SSBP3: variants seen among roughly 807,000 people sequenced by gnomAD.
SSBP3 encodes single-stranded DNA-binding protein 3.
A neutral mutation model predicts 69.6 loss-of-function variants in SSBP3; 5 were observed. The ratio of observed to expected loss-of-function variants is 0.07; its 90% confidence interval spans 0.04 to 0.15. The LOEUF (loss-of-function observed/expected upper bound fraction) is 0.15, where lower values mean the gene tolerates loss of function less well. SSBP3 is among the 10% of genes least tolerant of loss of function. The probability of loss-of-function intolerance (pLI) is 1.00; values close to 1 mark genes in which losing one functional copy is unlikely to be tolerated. For synonymous variants in SSBP3, 196 were observed against 193.4 expected (o/e 1.01, Z -0.11); for missense variants, 312 against 534.0 (o/e 0.58, Z 4.10).
At chr1:54,253,720 G>C (rs2100724717) in intron 7 of SSBP3, among the ~76,000 whole-genome samples, 1 of 152,340 alleles carries the variant, frequency 6.6e-6, no homozygotes, top group South Asian at 2.1e-4. Context: ...CTCTAAGGCT[G>C]TCTGGACTGG....
At chr1:54,382,581 T>C (rs1394268087) in intron 4 of SSBP3, among the ~76,000 whole-genome samples, 1 of 152,202 alleles carries the variant, frequency 6.6e-6, no homozygotes, top group East Asian at 1.9e-4. Flanking sequence ...GATTTTTGGA[T>C]AAAATATCTT....
At chr1:54,233,157 T>C (rs1334511673) in intron 14 of SSBP3, among the ~76,000 whole-genome samples, 1 of 129,680 alleles carries the variant, frequency 7.7e-6, no homozygotes, top group East Asian at 2.6e-4. Flanking sequence ...CCGGCCGCCA[T>C]CACATCTAGG....
At chr1:54,298,194 G>C (rs1056348542) in intron 4 of SSBP3, among the ~76,000 whole-genome samples, 1 of 152,140 alleles carries the variant, frequency 6.6e-6, no homozygotes, top group African/African-American at 2.4e-5. Flanking sequence ...CAAGCAGACC[G>C]AGGCTCTGAA....
chr1:54,396,962 G>A (rs1339053302), intron 4 of SSBP3, among the ~76,000 whole-genome samples: 1 of 152,234 alleles, frequency 6.6e-6, no homozygotes, highest in African/African-American at 2.4e-5. Context: ...ACCGATGGAG[G>A]AGTCTGGCAG....
At chr1:54,381,754 A>G (rs575284716) in intron 4 of SSBP3, among the ~76,000 whole-genome samples, 2 of 152,370 alleles carry the variant, frequency 1.3e-5, no homozygotes, top group South Asian at 4.1e-4. Context: ...AAAATGACAG[A>G]GCTGGCCAGC....
At chr1:54,321,077 A>G (rs1646203747) in intron 4 of SSBP3, among the ~76,000 whole-genome samples, 1 of 152,200 alleles carries the variant, frequency 6.6e-6, no homozygotes, top group Admixed American at 6.5e-5. Flanking sequence ...GGAACATGGT[A>G]TAGCCAAGAA....
intron 4 of SSBP3, among the ~76,000 whole-genome samples, chr1:54,345,728 A>G (rs1280625459): frequency 6.6e-6 from 1 of 152,144 alleles, no homozygotes; most frequent in Non-Finnish European, 1.5e-5. Flanking sequence ...AGATTACTGT[A>G]CTGAGGCTGG....
intron 4 of SSBP3, among the ~76,000 whole-genome samples, chr1:54,368,376 A>AAGAAAAAC (rs1005416702): frequency 3.3e-5 from 5 of 151,852 alleles, no homozygotes; most frequent in African/African-American, 1.2e-4. Context: ...GTGCTTAATG[A>AAGAAAAAC]AGAAAAACAG....
intron 4 of SSBP3, among the ~76,000 whole-genome samples, chr1:54,342,762 T>C (rs3901222): frequency 0.77 from 117,471 of 152,090 alleles, 46,627 homozygotes; most frequent in East Asian, 0.99. Context: ...GTAAAAATTA[T>C]GTGAGGTCAT....
At chr1:54,386,819 C>T (rs765513323) in intron 4 of SSBP3, among the ~76,000 whole-genome samples, 15 of 150,718 alleles carry the variant, frequency 1.0e-4, no homozygotes, top group Middle Eastern at 3.2e-3. Flanking sequence ...GGACTATAGG[C>T]GCACACCACC....
rs934348608 is a variant in SSBP3 at position 54,233,080 on chromosome 1, A to G, written c.928-4254T>C. Reference sequence around the variant, plus strand: ...GAGGAGCCCCTCTGCCTGGCTGCCCACTCTGGAAAGTGAGGAGCGTCTCCG... The same window carrying G: ...GAGGAGCCCCTCTGCCTGGCTGCCCGCTCTGGAAAGTGAGGAGCGTCTCCG... On this transcript the variant is annotated intron_variant, in intron 14 of 17. Transcript: ENST00000610401. Among the ~76,000 whole-genome samples the G allele has an allele frequency of 6.2e-5, 8 of 128,158 alleles. No homozygotes were observed. In the Admixed American group the frequency reaches 6.3e-4, roughly 10 times the overall value. 84.1% of individuals were successfully genotyped at this position (128,158 alleles called of 152,430 possible).
intron 4 of SSBP3, among the ~76,000 whole-genome samples, chr1:54,381,980 A>G (rs1647690337): frequency 1.3e-5 from 2 of 152,166 alleles, no homozygotes; most frequent in East Asian, 3.9e-4. Flanking sequence ...GATCATCTGA[A>G]GTCAGGAGTT....
At chr1:54,310,317 A>C (rs920690668) in intron 4 of SSBP3, among the ~76,000 whole-genome samples, 1 of 151,922 alleles carries the variant, frequency 6.6e-6, no homozygotes, top group Non-Finnish European at 1.5e-5. Flanking sequence ...AGCATTTTTC[A>C]CAGGAGGAGA....
chr1:54,346,818 GA>G (rs113297349), intron 4 of SSBP3, among the ~76,000 whole-genome samples: 1,597 of 133,356 alleles, frequency 0.012, 29 homozygotes, highest in African/African-American at 0.034. Context: ...CCATCTCAAG[GA>G]AAAAAAAAAA....
Position 54,316,411 on chromosome 1 carries a change from G to A in SSBP3, c.277-34884C>T, listed in dbSNP as rs568242620. On this transcript the variant is annotated intron_variant, in intron 4 of 17. Coordinates refer to ENST00000610401, the Ensembl canonical transcript of SSBP3. Reference sequence around the variant, plus strand: ...TCCCAGCACTTTGGGAGGCCGAGGCGGGTGGATCATGAGGTCAGGAGATCG... The same window carrying A: ...TCCCAGCACTTTGGGAGGCCGAGGCAGGTGGATCATGAGGTCAGGAGATCG... Among the ~76,000 whole-genome samples the A allele has an allele frequency of 1.3e-4, 19 of 147,624 alleles. No individual in the cohort carries two copies. The South Asian group carries it at 3.6e-3, about 28-fold the overall frequency.
intron 4 of SSBP3, among the ~76,000 whole-genome samples, chr1:54,370,888 T>C (rs974949034): frequency 1.3e-5 from 2 of 151,950 alleles, no homozygotes; most frequent in Non-Finnish European, 2.9e-5. Flanking sequence ...TCCCCCGTCA[T>C]ACAAGATCAA....
upstream of SSBP3, among the ~76,000 whole-genome samples, chr1:54,407,016 G>A (rs1191191297): frequency 6.6e-6 from 1 of 152,082 alleles, no homozygotes; most frequent in Non-Finnish European, 1.5e-5. Context: ...GCCGGGCCCG[G>A]GGCTCCACGC....
chr1:54,369,347 G>C (rs1054544234), intron 4 of SSBP3, among the ~76,000 whole-genome samples: 2 of 152,018 alleles, frequency 1.3e-5, no homozygotes, highest in Admixed American at 6.6e-5. Flanking sequence ...GCCTATGCAG[G>C]AAGGCAGGGA....
Position 54,258,189 on chromosome 1 carries a change from C to A in SSBP3, c.367-40G>T. ...AGTAGAGGCAGGTTATAGATCACAG[C>A]ACATGGAGAAGCGCAGAAGCAGCTT... On this transcript the variant is annotated intron_variant, in intron 5 of 17. Coordinates refer to ENST00000610401, the Ensembl canonical transcript of SSBP3. This position sits in a 1 kb window ranked among gnomAD's most constrained non-coding sequence, Gnocchi z 4.5. 1 of 1,470,680 alleles carries A rather than the reference C, an allele frequency of 6.8e-7. No individual in the cohort carries two copies. Among genetic ancestry groups the A allele is most frequent in the South Asian group, 1.3e-5 (1 of 74,320 alleles). The allele number at this position is 1,470,680 out of a possible 1,614,324, so 91.1% of individuals were successfully genotyped here.
Sources: allele counts gnomAD v4.1 joint callset (sites outside exome capture counted in the v4.1 genomes callset), GRCh38; gene constraint gnomAD v4.1.1; non-coding constraint Gnocchi (gnomAD v3.1); transcripts MANE v1.5; gene names NCBI Gene and HGNC (gene_info 2026-07-23, HGNC 2026-07-21).